NELL1: variants seen among roughly 807,000 people sequenced by gnomAD.
The protein encoded by NELL1 is protein kinase C-binding protein NELL1.
A neutral mutation model predicts 107.4 loss-of-function variants in NELL1; 76 were observed. That is an observed-to-expected ratio of 0.71 (90% CI 0.59 to 0.86). The LOEUF is 0.86. NELL1 is among the 40% of genes least tolerant of loss of function. The pLI is 0.00. For synonymous variants in NELL1, 353 were observed against 341.2 expected (o/e 1.03, Z -0.38); for missense variants, 1,024 against 1,005.5 (o/e 1.02, Z -0.25).
intron 12 of NELL1, among the ~76,000 whole-genome samples, chr11:20,966,291 C>A (rs988579642): frequency 6.6e-6 from 1 of 152,076 alleles, no homozygotes; most frequent in Non-Finnish European, 1.5e-5. Flanking sequence ...CAAGAGGGGG[C>A]AGAACTGGCC....
chr11:21,546,032 G>T (rs1276497875), intron 16 of NELL1, among the ~76,000 whole-genome samples: 1 of 151,942 alleles, frequency 6.6e-6, no homozygotes, highest in East Asian at 1.9e-4. Context: ...CTCTGAAACT[G>T]TATGCAAGCT....
intron 12 of NELL1, 48 bp from the exon 13 acceptor site, chr11:21,113,541 G>T (rs201680397): frequency 1.3e-4 from 197 of 1,571,756 alleles, no homozygotes; most frequent in Non-Finnish European, 1.1e-4. Context: ...TTACACTGTT[G>T]TTCCATTATT....
At chr11:21,213,542 A>G (rs182810371) in intron 13 of NELL1, among the ~76,000 whole-genome samples, 19 of 152,276 alleles carry the variant, frequency 1.2e-4, no homozygotes, top group African/African-American at 4.3e-4. Flanking sequence ...ATTGAATTGA[A>G]TTTTGAATTG....
intron 2 of NELL1, among the ~76,000 whole-genome samples, chr11:20,705,882 A>C (rs963528355): frequency 3.3e-5 from 5 of 152,194 alleles, no homozygotes; most frequent in East Asian, 1.9e-4. Context: ...TCTCATAAGA[A>C]GACATTTATG....
intron 2 of NELL1, among the ~76,000 whole-genome samples, chr11:20,688,244 A>C (rs1034178103): frequency 2.0e-5 from 3 of 152,006 alleles, no homozygotes; most frequent in Non-Finnish European, 4.4e-5. Flanking sequence ...TTCAACTTTT[A>C]TTTTAGATTC....
chr11:21,231,671 G>A (rs572649787), intron 14 of NELL1, among the ~76,000 whole-genome samples: 1 of 152,242 alleles, frequency 6.6e-6, no homozygotes, highest in South Asian at 2.1e-4. Flanking sequence ...TGTGATAAGT[G>A]GTGGTTTCAC....
At chr11:20,741,557 C>T (rs1257719648) in intron 2 of NELL1, among the ~76,000 whole-genome samples, 1 of 152,116 alleles carries the variant, frequency 6.6e-6, no homozygotes, top group African/African-American at 2.4e-5. Flanking sequence ...CCTGTCAAGC[C>T]ACCAAGAACA....
At chr11:21,320,072 C>A (rs551749682) in intron 14 of NELL1, among the ~76,000 whole-genome samples, 4 of 152,150 alleles carry the variant, frequency 2.6e-5, no homozygotes, top group African/African-American at 9.6e-5. Context: ...GACTTCATAC[C>A]TTCTACATCA....
intron 15 of NELL1, among the ~76,000 whole-genome samples, chr11:21,509,269 T>C (rs915957493): frequency 3.3e-5 from 5 of 152,164 alleles, no homozygotes; most frequent in Admixed American, 3.3e-4. Context: ...TACTTTTTCG[T>C]TGGGGCATAA....
chr11:21,568,313 A>G (rs1591043550), intron 17 of NELL1, among the ~76,000 whole-genome samples: 1 of 151,866 alleles, frequency 6.6e-6, no homozygotes, highest in Admixed American at 6.6e-5. Flanking sequence ...CTTACCATGA[A>G]TGGAGCTTAC....
chr11:21,022,942 G>C (rs1188986198), intron 12 of NELL1, among the ~76,000 whole-genome samples: 2 of 152,072 alleles, frequency 1.3e-5, no homozygotes, highest in Non-Finnish European at 1.5e-5. Context: ...CCTAGGGGCT[G>C]TGATAGGAAA....
At chr11:21,164,243 G>GT (rs1856434505) in intron 13 of NELL1, among the ~76,000 whole-genome samples, 1 of 152,160 alleles carries the variant, frequency 6.6e-6, no homozygotes, top group African/African-American at 2.4e-5. Context: ...TTATATATGG[G>GT]TTTTTTCATT....
chr11:21,334,746 CTG>C (rs1173270453), intron 14 of NELL1, among the ~76,000 whole-genome samples: 1 of 151,920 alleles, frequency 6.6e-6, no homozygotes, highest in Non-Finnish European at 1.5e-5. Flanking sequence ...GTTCTGGCGA[CTG>C]TGTCGTTGAG....
chr11:20,813,247 A>G (rs1857543487), intron 3 of NELL1, among the ~76,000 whole-genome samples: 1 of 152,172 alleles, frequency 6.6e-6, no homozygotes, highest in African/African-American at 2.4e-5. Context: ...CTGATAAATA[A>G]TTTTAGGCTG....
At chr11:21,534,056 A>T (rs1365465950) in intron 15 of NELL1, among the ~76,000 whole-genome samples, 1 of 152,198 alleles carries the variant, frequency 6.6e-6, no homozygotes, top group Non-Finnish European at 1.5e-5. Context: ...AAAAAAAGTC[A>T]TATACACCCA....
At position 21,518,081 on chromosome 11, in the gene NELL1, TC is replaced by T. The variant is rs572308031; in HGVS notation, c.1646-16292del. ...TTTGGGAATCATAAACCCTAGTGCT[TC>T]TATCTGTTAAGAGTTCTTGAATTTT... is the stretch of plus-strand genomic sequence containing the variant. On this transcript the variant is annotated intron_variant, in intron 15 of 19. Coordinates refer to ENST00000357134, the MANE Select transcript of NELL1 (RefSeq NM_006157.5). Among the ~76,000 whole-genome samples, 49 of 151,874 alleles carry T rather than the reference TC, an allele frequency of 3.2e-4. No individual in the cohort carries two copies. In the South Asian group the frequency reaches 7.5e-3, roughly 23 times the overall value.
intron 2 of NELL1, among the ~76,000 whole-genome samples, chr11:20,748,088 A>C (rs1856044048): frequency 6.6e-6 from 1 of 152,092 alleles, no homozygotes; most frequent in South Asian, 2.1e-4. Context: ...CAGATGCAAA[A>C]CCTTCATTCT....
intron 15 of NELL1, chr11:21,504,223 T>A (rs1368586832): frequency 6.6e-6 from 1 of 152,226 alleles, no homozygotes; most frequent in Non-Finnish European, 1.5e-5. Flanking sequence ...GGGTGCTTTT[T>A]CTGAGTGCAT....
chr11:21,053,970 A>G (rs951090276), intron 12 of NELL1, among the ~76,000 whole-genome samples: 9 of 152,108 alleles, frequency 5.9e-5, no homozygotes, highest in Non-Finnish European at 1.0e-4. Flanking sequence ...CCCATTCACT[A>G]TTTTGTAGGT....
Sources: gnomAD v4.1 joint callset for allele counts (sites outside exome capture counted in the v4.1 genomes callset) on GRCh38, gnomAD v4.1.1 for gene constraint, MANE v1.5 for transcripts, NCBI Gene and HGNC (gene_info 2026-07-23, HGNC 2026-07-21) for gene names.